Variants in ADGRV1 observed in about 807,000 individuals in gnomAD.
The protein encoded by ADGRV1 is adhesion G protein-coupled receptor V1.
In ADGRV1, 359 loss-of-function variants were observed where a neutral mutation model predicts 596.2. That is an observed-to-expected ratio of 0.60 (90% CI 0.55 to 0.66). The LOEUF is 0.66. Among genes scored for constraint, ADGRV1 ranks in the 30% least tolerant of loss-of-function variants. ADGRV1 has a pLI of 0.00. For missense variants in ADGRV1, 7,274 were observed against 7,575.6 expected, an observed-to-expected ratio of 0.96 and a Z score of 1.48; for synonymous variants, 2,681 against 2,679.2, an observed-to-expected ratio of 1.00 and a Z score of -0.02.
intron 78 of ADGRV1, 54 bp from the exon 79 acceptor site, chr5:90,848,583 A>G (rs1766149766): frequency 9.6e-7 from 1 of 1,041,046 alleles, no homozygotes; most frequent in South Asian, 2.4e-5. Context: ...ATAGCATATA[A>G]TTTAAGAAAT....
At chr5:90,649,764 C>CA (rs1339782572) in intron 17 of ADGRV1, among the ~76,000 whole-genome samples, 1 of 152,230 alleles carries the variant, frequency 6.6e-6, no homozygotes, top group African/African-American at 2.4e-5. Context: ...GCTGGGATTA[C>CA]AGGCGTGAGC....
chr5:91,121,347 GT>G (rs1793302001), intron 87 of ADGRV1, among the ~76,000 whole-genome samples: 1 of 152,082 alleles, frequency 6.6e-6, no homozygotes, highest in African/African-American at 2.4e-5. Context: ...GAATGCACCC[GT>G]CCTTGTACCA....
In ADGRV1 at chr5:91,121,195, A is replaced by G. The variant is rs373400368; in HGVS notation, c.18432+18855A>G. ...GCTCAAAAAATAAATAAAAAAGGAA[A>G]GTACAGAGTAGAATGGGGAGTATAG... On this transcript the variant is annotated intron_variant, in intron 87 of 89. Transcript: ENST00000405460. 4.6e-5 allele frequency among the ~76,000 whole-genome samples: 7 copies of G among 152,260 alleles called. No homozygotes were observed. In the South Asian group the frequency reaches 1.5e-3, roughly 32 times the overall value.
intron 57 of ADGRV1, among the ~76,000 whole-genome samples, chr5:90,758,403 C>T (rs1312129792): frequency 6.6e-6 from 1 of 152,160 alleles, no homozygotes; most frequent in Non-Finnish European, 1.5e-5. Context: ...GAAACAAATA[C>T]ATTGATTATT....
At chr5:90,847,876 C>T (rs1360077298) in intron 78 of ADGRV1, among the ~76,000 whole-genome samples, 1 of 152,160 alleles carries the variant, frequency 6.6e-6, no homozygotes, top group Non-Finnish European at 1.5e-5. Flanking sequence ...GAGCCGGTTC[C>T]CGCCTCGGCC....
Position 91,014,136 on chromosome 5 carries a change from C to CACACA in ADGRV1, c.18152+28614_18152+28615insACACA, listed in dbSNP as rs1782962720. Among the ~76,000 whole-genome samples the CACACA allele has an allele frequency of 1.7e-3, 60 of 35,698 alleles. 2 individuals are homozygous for CACACA. Among genetic ancestry groups the CACACA allele is most frequent in the African/African-American group, 5.1e-3 (58 of 11,370 alleles). 23.4% of individuals were successfully genotyped at this position (35,698 alleles called of 152,430 possible). ...TCATAGGCAATCCCATTCACAATTG[C>CACACA]CACACACACACACACACACACACAC... On this transcript the variant is annotated intron_variant, in intron 85 of 89. Transcript: ENST00000405460.
At chr5:91,132,544 G>C (rs1027790861) in intron 87 of ADGRV1, among the ~76,000 whole-genome samples, 2 of 152,194 alleles carry the variant, frequency 1.3e-5, no homozygotes, top group Non-Finnish European at 2.9e-5. Flanking sequence ...AGGAAGATTT[G>C]AATAAAATAA....
intron 1 of ADGRV1, among the ~76,000 whole-genome samples, chr5:90,567,185 T>G (rs1190945335): frequency 6.6e-6 from 1 of 152,172 alleles, no homozygotes; most frequent in Non-Finnish European, 1.5e-5. Context: ...GTTTTATATG[T>G]TACTGGATTT....
intron 67 of ADGRV1, among the ~76,000 whole-genome samples, chr5:90,786,587 T>C (rs1013741487): frequency 2.0e-5 from 3 of 152,116 alleles, no homozygotes; most frequent in African/African-American, 7.2e-5. Context: ...TATTTCCCTC[T>C]ACTCTCCATG....
chr5:90,646,138 G>A (rs1350236399), intron 16 of ADGRV1, 47 bp downstream of exon 16: 123 of 1,427,162 alleles, frequency 8.6e-5, no homozygotes, highest in Non-Finnish European at 1.1e-4. Flanking sequence ...TTCTTAAATA[G>A]TATATATAAA....
intron 86 of ADGRV1, among the ~76,000 whole-genome samples, chr5:91,077,182 C>T (rs1293398727): frequency 6.6e-6 from 1 of 152,138 alleles, no homozygotes; most frequent in Non-Finnish European, 1.5e-5. Flanking sequence ...GTGGGCATCT[C>T]TATAGAACAG....
chr5:90,862,174 G>A (rs1175966394), intron 82 of ADGRV1, among the ~76,000 whole-genome samples: 1 of 152,220 alleles, frequency 6.6e-6, no homozygotes, highest in Non-Finnish European at 1.5e-5. Flanking sequence ...AAGGCTATAA[G>A]TAAGCTCTTC....
rs545930894 is a variant in ADGRV1, at chr5:90,595,834, G to A, written c.23-19001G>A. Among the ~76,000 whole-genome samples, 253 of 148,262 alleles carry A rather than the reference G, an allele frequency of 1.7e-3. 2 individuals are homozygous for A. The highest frequency in any genetic ancestry group is 5.4e-3 in the African/African-American group (215 of 40,034). ...CCGGACGGGGCAGCTGGCCGGGTGG[G>A]CGGCTGACGCCCCCACCTCCCTCCC... On this transcript the variant is annotated intron_variant, in intron 1 of 89. Transcript: ENST00000405460.
chr5:91,093,038 G>A (rs747878169), intron 86 of ADGRV1, among the ~76,000 whole-genome samples: 11 of 152,192 alleles, frequency 7.2e-5, no homozygotes, highest in Non-Finnish European at 1.3e-4. Flanking sequence ...GCTTAGCACA[G>A]TAGGTATTCA....
At chr5:90,839,542 C>T (rs760005330) in intron 77 of ADGRV1, among the ~76,000 whole-genome samples, 10 of 152,214 alleles carry the variant, frequency 6.6e-5, no homozygotes, top group Non-Finnish European at 1.0e-4. Flanking sequence ...GCATCCAGCA[C>T]TCTCCTTCTA....
intron 49 of ADGRV1, 107 bp downstream of exon 49, chr5:90,729,040 C>A: frequency 1.3e-6 from 1 of 761,134 alleles, no homozygotes; most frequent in Non-Finnish European, 2.0e-6. Flanking sequence ...TTTACTAATC[C>A]ATAGAATATT....
At chr5:90,765,581 C>T (rs968285853) in intron 59 of ADGRV1, among the ~76,000 whole-genome samples, 2 of 152,058 alleles carry the variant, frequency 1.3e-5, no homozygotes, top group Non-Finnish European at 2.9e-5. Flanking sequence ...ATAATCAAAT[C>T]AGAGTAATTG....
chr5:90,949,249 T>G (rs1183673620), intron 83 of ADGRV1, among the ~76,000 whole-genome samples: 1 of 152,128 alleles, frequency 6.6e-6, no homozygotes, highest in African/African-American at 2.4e-5. Context: ...TGCAAGGTGT[T>G]AGAAAAGTTC....
chr5:90,781,980 G>C (rs975853619), intron 65 of ADGRV1, among the ~76,000 whole-genome samples: 1 of 152,106 alleles, frequency 6.6e-6, no homozygotes, highest in African/African-American at 2.4e-5. Flanking sequence ...GATGCAGGTA[G>C]TATCTGGATC....
Sources: allele counts gnomAD v4.1 joint callset (sites outside exome capture counted in the v4.1 genomes callset), GRCh38; gene constraint gnomAD v4.1.1; transcripts MANE v1.5; gene names NCBI Gene and HGNC (gene_info 2026-07-23, HGNC 2026-07-21).